The following DOCK3 variants were observed in gnomAD, a reference collection of about 807,000 sequenced individuals.
The protein encoded by DOCK3 is dedicator of cytokinesis protein 3.
Under a neutral mutation model 265.6 loss-of-function variants are expected in DOCK3, and 60 were observed. The observed-to-expected ratio is 0.23, with a 90% CI of 0.18 to 0.28. The LOEUF (loss-of-function observed/expected upper bound fraction) is 0.28. Among genes scored for constraint, DOCK3 ranks in the 10% least tolerant of loss-of-function variants. The pLI is 1.00. For synonymous variants in DOCK3, 881 were observed against 938.0 expected (o/e 0.94, Z 1.11); for missense variants, 1,981 against 2,594.3 (o/e 0.76, Z 5.14).
At chr3:51,090,185 A>T in intron 8 of DOCK3, 45 bp from the exon 9 acceptor site, 1 of 1,510,752 alleles carries the variant, frequency 6.6e-7, no homozygotes, top group Non-Finnish European at 8.8e-7. Context: ...TCAATATAAA[A>T]AATAACTAAA....
intron 5 of DOCK3, among the ~76,000 whole-genome samples, chr3:50,939,150 C>G (rs2051557849): frequency 6.6e-6 from 1 of 152,008 alleles, no homozygotes; most frequent in South Asian, 2.1e-4. Flanking sequence ...CTGTAAACAA[C>G]TTTACATACA....
chr3:50,770,655 C>G (rs1299631626), intron 1 of DOCK3, among the ~76,000 whole-genome samples: 1 of 152,072 alleles, frequency 6.6e-6, no homozygotes, highest in East Asian at 1.9e-4. Context: ...GCAAAAAGAA[C>G]AAAACTGGAG....
intron 9 of DOCK3, among the ~76,000 whole-genome samples, chr3:51,140,119 C>CTATA (rs1372930521): frequency 1.3e-5 from 2 of 152,188 alleles, no homozygotes; most frequent in Non-Finnish European, 2.9e-5. Context: ...AATTCACATA[C>CTATA]TATAGAGTTT....
At chr3:51,270,788 T>C (rs747911842) in intron 23 of DOCK3, 27 bp from the exon 24 acceptor site, 3 of 1,601,834 alleles carry the variant, frequency 1.9e-6, no homozygotes, top group Non-Finnish European at 8.5e-7. Flanking sequence ...AACTCTGTGC[T>C]AACCACAGCT....
chr3:51,256,838 A>G (rs990076305), intron 22 of DOCK3, among the ~76,000 whole-genome samples: 26 of 152,158 alleles, frequency 1.7e-4, no homozygotes, highest in Non-Finnish European at 3.1e-4. Flanking sequence ...CAGGTGATCC[A>G]CCCACCTCCA....
chr3:50,778,553 A>C (rs578049045), intron 1 of DOCK3, 122 bp from the exon 2 acceptor site: 66 of 624,160 alleles, frequency 1.1e-4, no homozygotes, highest in African/African-American at 1.0e-3. Flanking sequence ...ACACTTTAGA[A>C]AGAGGAATTA....
In DOCK3 at chr3:51,075,374, G is replaced by C; in HGVS notation, c.483G>C (p.Leu161=). The change falls in exon 7 of 53, where the codon CTG becomes CTC. Residue 161 remains leucine, a synonymous_variant. Transcript: ENST00000266037. ...DWGNEHLGLD[L]VPRKDFEVVD... ...TTACTAGACATTTGGGCCTGGACCT[G>C]GTGCCTCGGAAGGACTTTGAAGTAG... 6.2e-7 allele frequency: 1 copy of C among 1,610,822 alleles called. No homozygotes were observed. The highest frequency in any genetic ancestry group is 8.5e-7 in the Non-Finnish European group (1 of 1,178,654).
intron 5 of DOCK3, among the ~76,000 whole-genome samples, chr3:51,040,211 GT>G (rs11296253): frequency 0.89 from 130,287 of 146,404 alleles, 58,001 homozygotes; most frequent in East Asian, 0.94. Context: ...AAATGTGCCA[GT>G]TTTTTTTTTT....
intron 35 of DOCK3, among the ~76,000 whole-genome samples, chr3:51,336,299 A>T (rs1410983673): frequency 6.6e-6 from 1 of 151,066 alleles, no homozygotes; most frequent in Non-Finnish European, 1.5e-5. Flanking sequence ...TAGTAACTAT[A>T]TTTCCCAGGT....
rs896939451 is a variant in DOCK3, at chr3:51,159,267, G to A, written c.852G>A (p.Lys284=). Residue 284 remains lysine, a synonymous_variant, in exon 11 of 53, where the codon AAG becomes AAA. Transcript: ENST00000266037. ...AGGATCTGAGCAGCAAAGATATGAA[G>A]AGAGATTTGTATATCGTTGCCCATG... The part of the protein sequence containing the change: ...LFTDLSSKDM[K]RDLYIVAHVI... 6.2e-7 allele frequency: 1 copy of A among 1,613,480 alleles called. No homozygotes were observed.
intron 3 of DOCK3, among the ~76,000 whole-genome samples, chr3:50,860,710 C>T (rs549021063): frequency 3.3e-4 from 51 of 152,330 alleles, no homozygotes; most frequent in Non-Finnish European, 6.2e-4. Context: ...ATGGCCAAGT[C>T]GCCCAAACAG....
In DOCK3 at chr3:50,782,134, T is replaced by C. The variant is rs189575568; in HGVS notation, c.121+3376T>C. Reference sequence around the variant, plus strand: ...AGAATGATTTATATTCCTTCGGGTATATATGCAATATTGGGATTGATGGGT... The same window carrying C: ...AGAATGATTTATATTCCTTCGGGTACATATGCAATATTGGGATTGATGGGT... On this transcript the variant is annotated intron_variant, in intron 2 of 52. Coordinates refer to ENST00000266037, the MANE Select transcript of DOCK3 (RefSeq NM_004947.5). Among the ~76,000 whole-genome samples, 19 of 152,302 alleles carry C rather than the reference T, an allele frequency of 1.2e-4. No homozygotes were observed. The East Asian group carries it at 3.5e-3, about 28-fold the overall frequency.
intron 1 of DOCK3, among the ~76,000 whole-genome samples, chr3:50,713,880 G>A (rs1166438126): frequency 6.6e-6 from 1 of 152,162 alleles, no homozygotes; most frequent in Non-Finnish European, 1.5e-5. Context: ...TAGTCACCAA[G>A]TATTAATGCT....
chr3:51,091,259 T>C (rs1413082248), intron 9 of DOCK3, among the ~76,000 whole-genome samples: 1 of 152,236 alleles, frequency 6.6e-6, no homozygotes, highest in Non-Finnish European at 1.5e-5. Flanking sequence ...TTCTGGCTGC[T>C]CTTCTTTTCC....
chr3:50,834,603 TATTA>T lies in DOCK3; in HGVS notation c.122-7066_122-7063del, dbSNP rs2045393493. Among the ~76,000 whole-genome samples, 5 of 152,192 alleles carry T rather than the reference TATTA, an allele frequency of 3.3e-5. No homozygotes were observed. The South Asian group carries it at 6.2e-4, about 19-fold the overall frequency. On this transcript the variant is annotated intron_variant, in intron 2 of 52. Transcript: ENST00000266037. The stretch of plus-strand genomic sequence containing the variant: ...ACCTTAGGTGACCTAATAGCTAAAA[TATTA>T]ATTAAGTCAGAGAAAGTCATACTTT...
chr3:50,975,319 A>G (rs1391630150), intron 5 of DOCK3, among the ~76,000 whole-genome samples: 1 of 151,454 alleles, frequency 6.6e-6, no homozygotes, highest in Non-Finnish European at 1.5e-5. Context: ...TGTCCCATCA[A>G]TACCTAATTT....
intron 23 of DOCK3, among the ~76,000 whole-genome samples, chr3:51,269,099 C>CTT (rs2080353660): frequency 6.9e-6 from 1 of 144,544 alleles, no homozygotes; most frequent in East Asian, 1.9e-4. Context: ...TCACAACTCT[C>CTT]TCTCTCTCTC....
intron 2 of DOCK3, among the ~76,000 whole-genome samples, chr3:50,797,614 G>A (rs144112421): frequency 1.3e-5 from 2 of 152,316 alleles, no homozygotes; most frequent in East Asian, 3.9e-4. Flanking sequence ...GTTCTCCATA[G>A]TGGTATACTA....
intron 27 of DOCK3, among the ~76,000 whole-genome samples, chr3:51,288,512 G>A (rs1343666791): frequency 3.9e-5 from 6 of 152,096 alleles, no homozygotes; most frequent in African/African-American, 1.4e-4. Context: ...TATTGCTGGG[G>A]CAGTATAATA....
Sources: gnomAD v4.1 joint callset for allele counts (sites outside exome capture counted in the v4.1 genomes callset) on GRCh38, gnomAD v4.1.1 for gene constraint, MANE v1.5 for transcripts, NCBI Gene and HGNC (gene_info 2026-07-23, HGNC 2026-07-21) for gene names.